AFAP1: variants seen among roughly 807,000 people sequenced by gnomAD.
AFAP1 encodes actin filament associated protein 1.
A neutral mutation model predicts 93.9 loss-of-function variants in AFAP1; 75 were observed. That is an observed-to-expected ratio of 0.80 (90% CI 0.66 to 0.97). The LOEUF (loss-of-function observed/expected upper bound fraction) is 0.97. Ranked by LOEUF, AFAP1 falls within the 50% of genes least tolerant of loss-of-function variation. The probability of loss-of-function intolerance (pLI) is 0.00; values close to 1 mark genes in which losing one functional copy is unlikely to be tolerated. For synonymous variants in AFAP1, 517 were observed against 430.7 expected, an observed-to-expected ratio of 1.20 and a Z score of -2.48; for missense variants, 1,201 against 1,050.8, an observed-to-expected ratio of 1.14 and a Z score of -1.98.
intron 6 of AFAP1, 150 bp from the exon 7 acceptor site, chr4:7,819,321 C>T (rs1189119898): frequency 3.3e-6 from 2 of 613,550 alleles, no homozygotes; most frequent in Non-Finnish European, 2.7e-6. Context: ...GTGCCAGGTA[C>T]TCATTTGTTC....
In AFAP1 at chr4:7,872,307, C is replaced by A. The variant is rs962452815; in HGVS notation, c.-2-227G>T. On this transcript the variant is annotated intron_variant, in intron 1 of 17. Coordinates refer to ENST00000420658, the MANE Select transcript of AFAP1 (RefSeq NM_001134647.2). ...TCTGCTTTAAGGCAGCAAAATTCAA[C>A]TGGGAGAAGCTCCAAAGCCAGGCTG... 30 of 444,224 alleles carry A rather than the reference C, an allele frequency of 6.8e-5. No individual in the cohort carries two copies. The East Asian group carries it at 1.1e-3, about 17-fold the overall frequency. 27.5% of individuals were successfully genotyped at this position (444,224 alleles called of 1,614,324 possible). A position where few individuals can be genotyped will look rare whatever the true frequency, so the allele number is the denominator to read the frequency against.
In AFAP1 at chr4:7,939,279, G is replaced by C. The variant is rs775332230; in HGVS notation, c.-3+377C>G. 6 of 310,190 alleles carry C rather than the reference G, an allele frequency of 1.9e-5. No individual in the cohort carries two copies. The highest frequency in any genetic ancestry group is 1.4e-4 in the South Asian group (6 of 41,614). The allele number at this position is 310,190 out of a possible 1,614,324, so 19.2% of individuals were successfully genotyped here. On this transcript the variant is annotated intron_variant, in intron 1 of 17. Coordinates refer to ENST00000420658, the MANE Select transcript of AFAP1 (RefSeq NM_001134647.2). This position sits in a 1 kb window ranked among gnomAD's most constrained non-coding sequence, Gnocchi z 5.6. ...AGTCTCGCTACGGGGGAGGGCGGCG[G>C]AGCCTCCCACTCTTGGTGACCCGGA... is the stretch of plus-strand genomic sequence containing the variant.
chr4:7,828,262 G>A (rs1185605876), intron 6 of AFAP1, among the ~76,000 whole-genome samples: 5 of 152,112 alleles, frequency 3.3e-5, no homozygotes, highest in Admixed American at 1.3e-4. Flanking sequence ...CACGCCCCCC[G>A]GCTGGCTATG....
At chr4:7,807,049 G>A (rs1045135312) in intron 9 of AFAP1, among the ~76,000 whole-genome samples, 2 of 152,194 alleles carry the variant, frequency 1.3e-5, no homozygotes, top group African/African-American at 4.8e-5. Flanking sequence ...AGCTCGCTGT[G>A]TGGCTCCGAG....
At position 7,855,455 on chromosome 4, in the gene AFAP1, T is replaced by G. The variant is rs577749111; in HGVS notation, c.334+11A>C. The G allele has an allele frequency of 6.3e-7, 1 of 1,578,450 alleles. No homozygotes were observed. Among genetic ancestry groups the G allele is most frequent in the South Asian group, 1.1e-5 (1 of 87,138 alleles). On this transcript the variant is annotated intron_variant, in intron 4 of 17. Coordinates refer to ENST00000420658, the MANE Select transcript of AFAP1 (RefSeq NM_001134647.2). ...CAAAGGCAGCATGGCTGGGCAGGGC[T>G]GGCCACTCACTTGATGTGATGTATT...
intron 16 of AFAP1, 133 bp from the exon 17 acceptor site, chr4:7,769,141 A>G: frequency 8.2e-7 from 1 of 1,220,954 alleles, no homozygotes; most frequent in Non-Finnish European, 1.1e-6. Context: ...AGCAGCAAGG[A>G]CTGCCACGTG....
intron 6 of AFAP1, among the ~76,000 whole-genome samples, chr4:7,828,433 A>G (rs1397513800): frequency 6.6e-6 from 1 of 152,228 alleles, no homozygotes; most frequent in African/African-American, 2.4e-5. Context: ...CTTTCAGCAG[A>G]CACAGGAAGA....
chr4:7,902,567 AAT>A (rs146610323), intron 1 of AFAP1, among the ~76,000 whole-genome samples: 6,346 of 152,238 alleles, frequency 0.042, 235 homozygotes, highest in African/African-American at 0.095. Flanking sequence ...GTGTTTATAA[AAT>A]GTATGAGAAA....
chr4:7,910,351 G>A (rs1719657854), intron 1 of AFAP1, among the ~76,000 whole-genome samples: 1 of 152,124 alleles, frequency 6.6e-6, no homozygotes, highest in Non-Finnish European at 1.5e-5. Flanking sequence ...TGGTCTTGGT[G>A]TGGCCAACAG....
intron 12 of AFAP1, among the ~76,000 whole-genome samples, chr4:7,785,053 C>T (rs1202906848): frequency 6.6e-6 from 1 of 152,130 alleles, no homozygotes; most frequent in African/African-American, 2.4e-5. Flanking sequence ...TCAAACCCTC[C>T]CAGTACTGGG....
chr4:7,774,572 G>T (rs1393386115), intron 15 of AFAP1, 167 bp downstream of exon 15: 3 of 1,089,584 alleles, frequency 2.8e-6, no homozygotes, highest in Non-Finnish European at 3.8e-6. Flanking sequence ...CCTGCCTCGG[G>T]GTTACCAGCA....
At chr4:7,890,650 G>A (rs1451820756) in intron 1 of AFAP1, among the ~76,000 whole-genome samples, 2 of 152,066 alleles carry the variant, frequency 1.3e-5, no homozygotes, top group Non-Finnish European at 2.9e-5. Flanking sequence ...GGGCAAAGTG[G>A]TTACAGACAT....
chr4:7,864,206 C>T (rs1216502536), intron 3 of AFAP1, among the ~76,000 whole-genome samples: 1 of 151,056 alleles, frequency 6.6e-6, no homozygotes, highest in African/African-American at 2.4e-5. Context: ...ACAATTCTGG[C>T]CTCATGTGTG....
intron 1 of AFAP1, among the ~76,000 whole-genome samples, chr4:7,892,680 G>A (rs1278095951): frequency 5.3e-5 from 8 of 152,146 alleles, no homozygotes; most frequent in Admixed American, 4.6e-4. Flanking sequence ...GCAGCTTCCA[G>A]GGTGCCTAGA....
chr4:7,848,128 G>GAAGGAAGGAAGTAAGTAAGT (rs1377379539), intron 4 of AFAP1, among the ~76,000 whole-genome samples: 1 of 110,964 alleles, frequency 9.0e-6, no homozygotes, highest in African/African-American at 3.4e-5. Context: ...AGGAAGGAAG[G>GAAGGAAGGAAGTAAGTAAGT]GAGTGAGTGA....
intron 1 of AFAP1, among the ~76,000 whole-genome samples, chr4:7,936,738 C>T (rs1356412439): frequency 6.6e-6 from 1 of 152,062 alleles, no homozygotes; most frequent in Non-Finnish European, 1.5e-5. Context: ...TGTGCCACCA[C>T]ACCCGGCTAA....
At chr4:7,903,668 G>C (rs1026080007) in intron 1 of AFAP1, among the ~76,000 whole-genome samples, 3 of 152,146 alleles carry the variant, frequency 2.0e-5, no homozygotes, top group Non-Finnish European at 4.4e-5. Flanking sequence ...GACACAGCAA[G>C]ACTGTGTCTC....
Position 7,759,128 on chromosome 4 carries a change from T to G in AFAP1, c.*4637A>C, listed in dbSNP as rs1303234582. 1 of 152,670 alleles carries G rather than the reference T, an allele frequency of 6.6e-6. No homozygotes were observed. Among genetic ancestry groups the G allele is most frequent in the Non-Finnish European group, 1.5e-5 (1 of 68,050 alleles). The allele number at this position is 152,670 out of a possible 1,614,324, so 9.5% of individuals were successfully genotyped here. ...CACCATGGTCAATTAATTCTGAATA[T>G]CACTTAAAAGTTGATGTTAAAATGT... On this transcript the variant is annotated 3_prime_UTR_variant, in exon 18 of 18. Coordinates refer to ENST00000420658, the MANE Select transcript of AFAP1 (RefSeq NM_001134647.2).
intron 7 of AFAP1, 113 bp downstream of exon 7, chr4:7,818,963 T>G (rs1720718587): frequency 9.7e-7 from 1 of 1,026,410 alleles, no homozygotes. Context: ...GACTGCACTT[T>G]TTCTTTTTTA....
Sources: gnomAD v4.1 joint callset for allele counts (sites outside exome capture counted in the v4.1 genomes callset) on GRCh38, gnomAD v4.1.1 for gene constraint, Gnocchi (gnomAD v3.1) non-coding constraint, MANE v1.5 for transcripts, NCBI Gene and HGNC (gene_info 2026-07-23, HGNC 2026-07-21) for gene names.